The following KATNA1 variants were observed in gnomAD, a reference collection of about 807,000 sequenced individuals.
KATNA1 encodes katanin catalytic subunit A1, also known as katanin p60 ATPase-containing subunit A1.
A neutral mutation model predicts 62.6 loss-of-function variants in KATNA1; 42 were observed. That is an observed-to-expected ratio of 0.67 (90% confidence interval 0.52 to 0.87). KATNA1 has a LOEUF of 0.87. KATNA1 is among the 40% of genes least tolerant of loss of function. The pLI, the probability that KATNA1 is intolerant of heterozygous loss-of-function variation, is 0.00. For missense variants in KATNA1, 498 were observed against 612.5 expected (o/e 0.81, Z 1.97); for synonymous variants, 186 against 201.9 (o/e 0.92, Z 0.67).
chr6:149,644,613 T>G (rs957152335), intron 1 of KATNA1, among the ~76,000 whole-genome samples: 1 of 151,862 alleles, frequency 6.6e-6, no homozygotes, highest in African/African-American at 2.4e-5. Flanking sequence ...AGAGTAAGGC[T>G]CTGTATCAAA....
At chr6:149,631,709 C>T (rs1345137225) in intron 3 of KATNA1, among the ~76,000 whole-genome samples, 1 of 152,092 alleles carries the variant, frequency 6.6e-6, no homozygotes, top group African/African-American at 2.4e-5. Context: ...AAAGGCATGA[C>T]ACAGTCAATA....
At chr6:149,608,858 G>A (rs1199698612) in intron 4 of KATNA1, among the ~76,000 whole-genome samples, 2 of 152,158 alleles carry the variant, frequency 1.3e-5, no homozygotes, top group Admixed American at 6.5e-5. Flanking sequence ...GAGGCTGGCT[G>A]GGGAACCTGA....
chr6:149,636,248 A>G lies in KATNA1; in HGVS notation c.162+2138T>C, dbSNP rs1480224511. Reference sequence around the variant, plus strand: ...CAACAAAAGATCTAAAAAGTCCTTCACTGACAAACTTAAGACTCCTTATGA... The same window carrying G: ...CAACAAAAGATCTAAAAAGTCCTTCGCTGACAAACTTAAGACTCCTTATGA... On this transcript the variant is annotated intron_variant, in intron 2 of 10. Coordinates refer to ENST00000367411, the MANE Select transcript of KATNA1 (RefSeq NM_007044.4). Among the ~76,000 whole-genome samples the G allele has an allele frequency of 3.3e-5, 5 of 152,058 alleles. No individual in the cohort carries two copies. The East Asian group carries it at 9.6e-4, about 29-fold the overall frequency.
At chr6:149,610,820 A>G (rs1350672885) in intron 4 of KATNA1, among the ~76,000 whole-genome samples, 2 of 152,176 alleles carry the variant, frequency 1.3e-5, no homozygotes, top group African/African-American at 4.8e-5. Context: ...ACACCACTGC[A>G]CTCCAGCCTG....
At chr6:149,612,860 T>C (rs1440548593) in intron 4 of KATNA1, among the ~76,000 whole-genome samples, 2 of 152,038 alleles carry the variant, frequency 1.3e-5, no homozygotes, top group East Asian at 3.9e-4. Flanking sequence ...AAGACCCATG[T>C]GATCATGCAA....
chr6:149,629,102 C>A (rs960724547), intron 3 of KATNA1, among the ~76,000 whole-genome samples: 1 of 152,056 alleles, frequency 6.6e-6, no homozygotes, highest in Non-Finnish European at 1.5e-5. Context: ...AGGAAATCCT[C>A]CCTCTCTGCT....
At chr6:149,611,908 G>C (rs1388240220) in intron 4 of KATNA1, among the ~76,000 whole-genome samples, 1 of 152,100 alleles carries the variant, frequency 6.6e-6, no homozygotes, top group South Asian at 2.1e-4. Context: ...GCTGAGGCAG[G>C]AGAATGGTGT....
intron 3 of KATNA1, 123 bp from the exon 4 acceptor site, chr6:149,623,406 C>A (rs1779485673): frequency 1.6e-6 from 1 of 614,622 alleles, no homozygotes; most frequent in Non-Finnish European, 2.6e-6. Context: ...CAAGACACGA[C>A]TGAATAAACT....
At chr6:149,644,885 T>G (rs1188021419) in intron 1 of KATNA1, among the ~76,000 whole-genome samples, 1 of 152,210 alleles carries the variant, frequency 6.6e-6, no homozygotes, top group African/African-American at 2.4e-5. Flanking sequence ...GAAAAATCCC[T>G]GATTATCAAA....
intron 2 of KATNA1, among the ~76,000 whole-genome samples, chr6:149,636,949 T>C (rs988131128): frequency 6.6e-6 from 1 of 151,536 alleles, no homozygotes; most frequent in Non-Finnish European, 1.5e-5. Context: ...GCAAGACTTA[T>C]TTTCTTAACC....
At chr6:149,617,772 TA>T (rs1779223968) in intron 4 of KATNA1, among the ~76,000 whole-genome samples, 1 of 151,754 alleles carries the variant, frequency 6.6e-6, no homozygotes, top group Non-Finnish European at 1.5e-5. Context: ...CCGTCTCTAC[TA>T]AAAAACACAA....
At chr6:149,648,296 C>G (rs1199216774) in intron 1 of KATNA1, among the ~76,000 whole-genome samples, 173 bp downstream of exon 1, 1 of 152,184 alleles carries the variant, frequency 6.6e-6, no homozygotes, top group African/African-American at 2.4e-5. Context: ...GGGGGACTGT[C>G]ACCTAAGCCA....
At chr6:149,608,530 C>A (rs1345952417) in intron 4 of KATNA1, among the ~76,000 whole-genome samples, 1 of 152,214 alleles carries the variant, frequency 6.6e-6, no homozygotes, top group African/African-American at 2.4e-5. Context: ...GTGGCCCCGG[C>A]CCCACCCAGG....
At chr6:149,647,969 TACCAACTCTAA>T (rs1266638437) in intron 1 of KATNA1, among the ~76,000 whole-genome samples, 1 of 152,212 alleles carries the variant, frequency 6.6e-6, no homozygotes, top group Admixed American at 6.5e-5. Context: ...TTCTAAAAGG[TACCAACTCTAA>T]ACCAAAAGGC....
intron 5 of KATNA1, among the ~76,000 whole-genome samples, chr6:149,604,057 T>C (rs1420280320): frequency 6.6e-6 from 1 of 152,246 alleles, no homozygotes; most frequent in African/African-American, 2.4e-5. Context: ...TAACTCATTG[T>C]AATACATTAC....
chr6:149,638,281 G>A (rs1351804971), intron 2 of KATNA1, 105 bp downstream of exon 2: 3 of 1,081,526 alleles, frequency 2.8e-6, no homozygotes, highest in South Asian at 2.9e-5. Flanking sequence ...GTGCTCGGTA[G>A]TCATACAGTC....
intron 3 of KATNA1, among the ~76,000 whole-genome samples, chr6:149,625,456 C>A (rs1436750805): frequency 6.6e-6 from 1 of 151,990 alleles, no homozygotes; most frequent in Non-Finnish European, 1.5e-5. Context: ...TAGCAAAACT[C>A]CATCTCTACT....
intron 8 of KATNA1, chr6:149,597,996 G>C: frequency 1.9e-6 from 1 of 513,544 alleles, no homozygotes; most frequent in Non-Finnish European, 3.4e-6. Flanking sequence ...ATACCAAAAG[G>C]GTGCCCTGTG....
intron 7 of KATNA1, among the ~76,000 whole-genome samples, chr6:149,598,788 T>C (rs1229662722): frequency 6.6e-6 from 1 of 152,152 alleles, no homozygotes; most frequent in Non-Finnish European, 1.5e-5. Context: ...CTGTGCATCT[T>C]TCTCTCACGC....
Sources: gnomAD v4.1 joint callset for allele counts (sites outside exome capture counted in the v4.1 genomes callset) on GRCh38, gnomAD v4.1.1 for gene constraint, MANE v1.5 for transcripts, NCBI Gene and HGNC (gene_info 2026-07-23, HGNC 2026-07-21) for gene names.